CIP2A: variants seen among roughly 807,000 people sequenced by gnomAD.
The protein encoded by CIP2A is protein CIP2A.
In CIP2A, 103 loss-of-function variants were observed where a neutral mutation model predicts 110.9. The observed-to-expected ratio is 0.93, with a 90% CI of 0.79 to 1.09. CIP2A has a LOEUF of 1.09. Among genes scored for constraint, CIP2A ranks in the 50% least tolerant of loss-of-function variants. The probability of loss-of-function intolerance (pLI) is 0.00; values close to 1 mark genes in which losing one functional copy is unlikely to be tolerated. For missense variants in CIP2A, 1,088 were observed against 1,038.4 expected (o/e 1.05, Z -0.66); for synonymous variants, 381 against 361.6 (o/e 1.05, Z -0.61).
intron 20 of CIP2A, 124 bp from the exon 21 acceptor site, chr3:108,551,443 T>C: frequency 1.8e-6 from 1 of 570,034 alleles, no homozygotes; most frequent in Non-Finnish European, 2.9e-6. Context: ...CAAGACATAC[T>C]ATAAATATTA....
chr3:108,585,541 T>G (rs1939016591), intron 1 of CIP2A: 1 of 390,216 alleles, frequency 2.6e-6, no homozygotes, highest in Non-Finnish European at 4.9e-6. Flanking sequence ...TAGCAAACTT[T>G]TGAGTTCCTA....
rs759152178 is a variant in CIP2A at position 108,559,944 on chromosome 3, T to C, written c.1902+10A>G. The C allele has an allele frequency of 1.3e-6, 2 of 1,588,662 alleles. No homozygotes were observed. Among genetic ancestry groups the C allele is most frequent in the Admixed American group, 3.3e-5 (2 of 59,708 alleles). ...CTTATTACACATTGTTAAAATAAGC[T>C]TATACTCACAGCTAATGTGGATAGT... On this transcript the variant is annotated intron_variant, in intron 15 of 20. Coordinates refer to ENST00000295746, the MANE Select transcript of CIP2A (RefSeq NM_020890.3).
In CIP2A at chr3:108,582,269, C is replaced by A. The variant is rs9827162; in HGVS notation, c.358-67G>T. 3,787 of 635,306 alleles carry A rather than the reference C, an allele frequency of 6.0e-3. 122 individuals carry two copies. The African/African-American group carries it at 0.065, about 11-fold the overall frequency. 39.4% of individuals were successfully genotyped at this position (635,306 alleles called of 1,614,324 possible). A position where few individuals can be genotyped will look rare whatever the true frequency, so the allele number is the denominator to read the frequency against. ...CATTGCCTGCTTAAAATAATGGACTCTCAGGCACATTCTGAGCATGTCCTT... is the reference window on the plus strand; with the variant it reads ...CATTGCCTGCTTAAAATAATGGACTATCAGGCACATTCTGAGCATGTCCTT... On this transcript the variant is annotated intron_variant, in intron 3 of 20. Coordinates refer to ENST00000295746, the MANE Select transcript of CIP2A (RefSeq NM_020890.3).
chr3:108,557,540 A>G (rs112063583), intron 16 of CIP2A, 126 bp from the exon 17 acceptor site: 522 of 592,528 alleles, frequency 8.8e-4, no homozygotes, highest in African/African-American at 6.4e-3. Context: ...GCAAAGCTGT[A>G]TTAGTCACAT....
chr3:108,566,385 CTGTTA>C (rs1938181469), intron 11 of CIP2A, 107 bp downstream of exon 11: 2 of 716,088 alleles, frequency 2.8e-6, no homozygotes, highest in African/African-American at 1.9e-5. Context: ...GTTTGTTAAT[CTGTTA>C]TATCTTAAGT....
At chr3:108,583,417 T>C (rs1474562229) in intron 2 of CIP2A, among the ~76,000 whole-genome samples, 1 of 152,168 alleles carries the variant, frequency 6.6e-6, no homozygotes, top group East Asian at 1.9e-4. Flanking sequence ...TTTGGCCATA[T>C]AAAAGAATGC....
intron 1 of CIP2A, among the ~76,000 whole-genome samples, chr3:108,587,880 C>T (rs1156900556): frequency 1.3e-5 from 2 of 152,018 alleles, no homozygotes; most frequent in Non-Finnish European, 2.9e-5. Flanking sequence ...CTCCCGAGTT[C>T]AAGCGATTCT....
In CIP2A at chr3:108,554,399, CTCAT is replaced by C; in HGVS notation, c.2297_2300del (p.Asn766SerfsTer14). On this transcript the variant is annotated frameshift_variant, in exon 18 of 21. Transcript: ENST00000295746. LOFTEE classifies it high-confidence loss of function. ...ACTTTTCATTTTGTTCCTTGAGTGA[CTCAT>C]TCAACTTTTTCACTGTCTCAATTTG... is the stretch of plus-strand genomic sequence containing the variant. 6.6e-7 allele frequency: 1 copy of C among 1,512,090 alleles called. No individual in the cohort carries two copies. Among genetic ancestry groups the C allele is most frequent in the Non-Finnish European group, 9.1e-7 (1 of 1,094,452 alleles). 93.7% of individuals were successfully genotyped at this position (1,512,090 alleles called of 1,614,324 possible).
chr3:108,585,052 T>G lies in CIP2A; in HGVS notation c.250+13A>C. On this transcript the variant is annotated intron_variant, in intron 2 of 20. Transcript: ENST00000295746. ...TCTTCCAAAAACTAAAAAGGAGAAA[T>G]TAAATGCATTACCTAGTTGAGACAG... 6.3e-7 allele frequency: 1 copy of G among 1,596,112 alleles called. No homozygotes were observed. The highest frequency in any genetic ancestry group is 1.1e-5 in the South Asian group (1 of 87,894).
At chr3:108,563,024 T>C (rs2107324909) in intron 13 of CIP2A, 102 bp downstream of exon 13, 2 of 693,104 alleles carry the variant, frequency 2.9e-6, no homozygotes, top group African/African-American at 3.5e-5. Context: ...CAATGAAGTC[T>C]TCAATTCACT....
chr3:108,574,781 AAAG>A (rs1391797727), intron 8 of CIP2A: 1 of 153,820 alleles, frequency 6.5e-6, no homozygotes, highest in Non-Finnish European at 1.5e-5. Context: ...GTGTCTTTGG[AAAG>A]CCCCCAGGGC....
At chr3:108,581,263 T>C (rs1938866497) in intron 5 of CIP2A, 152 bp downstream of exon 5, 1 of 603,666 alleles carries the variant, frequency 1.7e-6, no homozygotes, top group African/African-American at 1.9e-5. Flanking sequence ...AAGTTATTTG[T>C]ATGTCAATCT....
intron 9 of CIP2A, among the ~76,000 whole-genome samples, chr3:108,568,538 A>G (rs1938264860): frequency 6.6e-6 from 1 of 152,054 alleles, no homozygotes; most frequent in South Asian, 2.1e-4. Context: ...AAGGTTTTAC[A>G]AATAAGACTT....
At chr3:108,573,170 A>T (rs904838200) in intron 8 of CIP2A, among the ~76,000 whole-genome samples, 4 of 151,950 alleles carry the variant, frequency 2.6e-5, no homozygotes, top group African/African-American at 9.7e-5. Flanking sequence ...GATCCTTTTT[A>T]TGTGTCACTG....
At chr3:108,577,201 A>G (rs1486783617) in intron 7 of CIP2A, among the ~76,000 whole-genome samples, 1 of 152,096 alleles carries the variant, frequency 6.6e-6, no homozygotes, top group Non-Finnish European at 1.5e-5. Flanking sequence ...TAAGGTTGAG[A>G]GGTTGTTAGG....
At chr3:108,571,672 T>C (rs953409408) in intron 8 of CIP2A, among the ~76,000 whole-genome samples, 11 of 152,158 alleles carry the variant, frequency 7.2e-5, no homozygotes, top group African/African-American at 1.7e-4. Context: ...TTTCCCAAAA[T>C]GAACATATTC....
In CIP2A at chr3:108,581,348, T is replaced by TA. The variant is rs1225255981; in HGVS notation, c.549+66dup. ...AATTTGTTTTAAAGAAAAAGATAAA[T>TA]ACAATTTTCTTTAAGCAGAGAATCT... On this transcript the variant is annotated intron_variant, in intron 5 of 20. Transcript: ENST00000295746. 15 of 1,109,894 alleles carry TA rather than the reference T, an allele frequency of 1.4e-5. No individual in the cohort carries two copies. In the Admixed American group the frequency reaches 3.3e-4, roughly 24 times the overall value. The allele number at this position is 1,109,894 out of a possible 1,614,324, so 68.8% of individuals were successfully genotyped here.
At chr3:108,579,852 G>T (rs929068583) in intron 5 of CIP2A, among the ~76,000 whole-genome samples, 164 bp from the exon 6 acceptor site, 1 of 152,112 alleles carries the variant, frequency 6.6e-6, no homozygotes, top group African/African-American at 2.4e-5. Flanking sequence ...GAGAAATTTA[G>T]ATCAGAGATA....
intron 7 of CIP2A, among the ~76,000 whole-genome samples, chr3:108,578,246 T>C (rs972099633): frequency 3.9e-5 from 6 of 152,230 alleles, no homozygotes; most frequent in African/African-American, 1.4e-4. Context: ...AAAGGAATTT[T>C]TCTGTTTACT....
Sources: allele counts gnomAD v4.1 joint callset (sites outside exome capture counted in the v4.1 genomes callset), GRCh38; gene constraint gnomAD v4.1.1; transcripts MANE v1.5; gene names NCBI Gene and HGNC (gene_info 2026-07-23, HGNC 2026-07-21).